SEPTIN7: variants seen among roughly 807,000 people sequenced by gnomAD.
SEPTIN7 encodes septin-7.
A neutral mutation model predicts 63.3 loss-of-function variants in SEPTIN7; 10 were observed. The ratio of observed to expected loss-of-function variants is 0.16; its 90% CI spans 0.10 to 0.27. The LOEUF is 0.27. SEPTIN7 is among the 10% of genes least tolerant of loss of function. The probability of loss-of-function intolerance (pLI) is 1.00; values close to 1 mark genes in which losing one functional copy is unlikely to be tolerated. For missense variants in SEPTIN7, 310 were observed against 521.0 expected, an observed-to-expected ratio of 0.59 and a Z score of 3.94; for synonymous variants, 131 against 165.3, an observed-to-expected ratio of 0.79 and a Z score of 1.59.
chr7:35,825,616 T>C (rs1163986001), intron 1 of SEPTIN7, among the ~76,000 whole-genome samples: 1 of 152,200 alleles, frequency 6.6e-6, no homozygotes, highest in Admixed American at 6.5e-5. Context: ...TCCTCTAGCT[T>C]ATCTCACCTC....
At chr7:35,829,643 A>G (rs1172712278) in intron 1 of SEPTIN7, among the ~76,000 whole-genome samples, 2 of 152,222 alleles carry the variant, frequency 1.3e-5, no homozygotes, top group Non-Finnish European at 2.9e-5. Context: ...CTACTGGTGC[A>G]ACTTGCTCTC....
intron 4 of SEPTIN7, among the ~76,000 whole-genome samples, chr7:35,867,693 G>T (rs1289311173): frequency 1.3e-5 from 2 of 152,166 alleles, no homozygotes; most frequent in Non-Finnish European, 2.9e-5. Context: ...CACTGAAAGG[G>T]TATCATCTGT....
downstream of SEPTIN7, among the ~76,000 whole-genome samples, chr7:35,910,555 A>T (rs1191456491): frequency 3.3e-5 from 5 of 152,248 alleles, no homozygotes; most frequent in African/African-American, 2.4e-5. Context: ...CAGAGCTGGT[A>T]GCTGTAATTG....
Position 35,904,331 on chromosome 7 carries a change from A to C in SEPTIN7, c.*38A>C, listed in dbSNP as rs764478119. The C allele has an allele frequency of 6.6e-7, 1 of 1,507,464 alleles. No individual in the cohort carries two copies. The highest frequency in any genetic ancestry group is 2.1e-5 in the Admixed American group (1 of 47,670). The allele number at this position is 1,507,464 out of a possible 1,614,324, so 93.4% of individuals were successfully genotyped here. ...CCACCAGTTAACGTATTAGTTGCCA[A>C]TATGCCAGCTTGGACATCAGTGTTT... On this transcript the variant is annotated 3_prime_UTR_variant, in exon 14 of 14. Coordinates refer to ENST00000350320, the MANE Select transcript of SEPTIN7 (RefSeq NM_001788.6).
chr7:35,885,702 T>C (rs1583624161), intron 9 of SEPTIN7, 126 bp from the exon 10 acceptor site: 3 of 714,798 alleles, frequency 4.2e-6, no homozygotes, highest in East Asian at 2.7e-5. Flanking sequence ...GTGTTAAATC[T>C]CAAAAAAATT....
At chr7:35,847,962 A>G (rs921044036) in intron 3 of SEPTIN7, 1 of 152,218 alleles carries the variant, frequency 6.6e-6, no homozygotes, top group Non-Finnish European at 1.5e-5. Flanking sequence ...ATGAAGAATA[A>G]ATCAACACCT....
intron 3 of SEPTIN7, among the ~76,000 whole-genome samples, chr7:35,845,037 A>T (rs1784589771): frequency 6.6e-6 from 1 of 152,136 alleles, no homozygotes; most frequent in Admixed American, 6.6e-5. Flanking sequence ...GACCCTGGGC[A>T]ACAGAGTGAG....
the SEPTIN7 span, among the ~76,000 whole-genome samples, chr7:35,914,655 C>CTATA: frequency 1.4e-4 from 13 of 91,938 alleles, no homozygotes; most frequent in African/African-American, 4.3e-4. Flanking sequence ...CTCTCTCTCT[C>CTATA]TCTCTATATA....
intron 1 of SEPTIN7, among the ~76,000 whole-genome samples, chr7:35,823,773 A>G (rs1022031906): frequency 6.6e-5 from 10 of 152,278 alleles, no homozygotes; most frequent in Middle Eastern, 6.8e-3. Context: ...AATTGCTTGG[A>G]TGGCTGTTAC....
At chr7:35,821,749 C>A (rs188221274) in intron 1 of SEPTIN7, among the ~76,000 whole-genome samples, 18 of 152,230 alleles carry the variant, frequency 1.2e-4, no homozygotes, top group Non-Finnish European at 1.6e-4. Flanking sequence ...CACATCATCA[C>A]CCAGTACTGG....
intron 1 of SEPTIN7, among the ~76,000 whole-genome samples, chr7:35,822,534 G>A (rs10214937): frequency 0.35 from 53,393 of 151,802 alleles, 9,837 homozygotes; most frequent in East Asian, 0.49. Context: ...TAATGCTGCC[G>A]CTGATCTGAC....
chr7:35,826,924 C>T (rs550938244), intron 1 of SEPTIN7, among the ~76,000 whole-genome samples: 1 of 152,186 alleles, frequency 6.6e-6, no homozygotes, highest in South Asian at 2.1e-4. Context: ...TAAAGAATTT[C>T]AGTAATCTAT....
the SEPTIN7 span, among the ~76,000 whole-genome samples, chr7:35,913,051 T>C: frequency 6.6e-6 from 1 of 152,240 alleles, no homozygotes; most frequent in Non-Finnish European, 1.5e-5. Flanking sequence ...CCTTTAGTTC[T>C]CTGGCCTTGG....
At chr7:35,910,071 C>G (rs556932864), downstream of SEPTIN7, among the ~76,000 whole-genome samples, 49 of 152,342 alleles carry the variant, frequency 3.2e-4, no homozygotes, top group African/African-American at 1.1e-3. Context: ...GACCTCTCCA[C>G]AGGGCTGCTT....
At chr7:35,820,298 A>G (rs550727102) in intron 1 of SEPTIN7, among the ~76,000 whole-genome samples, 3 of 151,918 alleles carry the variant, frequency 2.0e-5, no homozygotes, top group South Asian at 2.1e-4. Flanking sequence ...TTTTTCTTCA[A>G]ATTTGGGAAG....
chr7:35,859,178 C>G (rs1284735346), intron 3 of SEPTIN7, among the ~76,000 whole-genome samples: 2 of 151,988 alleles, frequency 1.3e-5, no homozygotes, highest in Non-Finnish European at 2.9e-5. Context: ...TTTCTGTATT[C>G]CGTAAGTTTC....
chr7:35,840,188 TC>T (rs1288065568), intron 3 of SEPTIN7, among the ~76,000 whole-genome samples: 1 of 61,890 alleles, frequency 1.6e-5, no homozygotes, highest in Non-Finnish European at 2.9e-5. Flanking sequence ...CCCCTCCTCC[TC>T]CCCCTTCCCC....
chr7:35,850,678 G>A (rs1784914120), intron 3 of SEPTIN7, among the ~76,000 whole-genome samples: 1 of 152,078 alleles, frequency 6.6e-6, no homozygotes, highest in South Asian at 2.1e-4. Context: ...TCAGTTTTCT[G>A]AAATTCTGTC....
In SEPTIN7 at chr7:35,873,648, C is replaced by G; in HGVS notation, c.385C>G (p.Pro129Ala). ...DAVDNSNCWQ[P>A]VIDYIDSKFE... ...TTTATTTGCGTTCTATAGCTGGCAGCCTGTTATCGACTACATTGATAGTAA... is the reference window on the plus strand; with the variant it reads ...TTTATTTGCGTTCTATAGCTGGCAGGCTGTTATCGACTACATTGATAGTAA... The change falls in exon 6 of 14, where the codon CCT (proline) becomes GCT (alanine). Residue 129 changes from proline to alanine, a missense_variant. Coordinates refer to ENST00000350320, the MANE Select transcript of SEPTIN7 (RefSeq NM_001788.6). 1 of 1,608,706 alleles carries G rather than the reference C, an allele frequency of 6.2e-7. No individual in the cohort carries two copies. The highest frequency in any genetic ancestry group is 8.5e-7 in the Non-Finnish European group (1 of 1,178,128).
Sources: gnomAD v4.1 joint callset for allele counts (sites outside exome capture counted in the v4.1 genomes callset) on GRCh38, gnomAD v4.1.1 for gene constraint, MANE v1.5 for transcripts, NCBI Gene and HGNC (gene_info 2026-07-23, HGNC 2026-07-21) for gene names.